PPARGC1A: variants seen among roughly 807,000 people sequenced by gnomAD.
PPARGC1A encodes PPARG coactivator 1 alpha.
Under a neutral mutation model 88.7 loss-of-function variants are expected in PPARGC1A, and 25 were observed. That is an observed-to-expected ratio of 0.28 (90% CI 0.21 to 0.39). The LOEUF is 0.39. Ranked by LOEUF, PPARGC1A falls within the 10% of genes least tolerant of loss-of-function variation. The pLI, the probability that PPARGC1A is intolerant of heterozygous loss-of-function variation, is 1.00. For synonymous variants in PPARGC1A, 363 were observed against 355.6 expected (o/e 1.02, Z -0.24); for missense variants, 880 against 968.7 (o/e 0.91, Z 1.22).
At chr4:24,270,361 G>A in the PPARGC1A span, among the ~76,000 whole-genome samples, 1 of 130,194 alleles carries the variant, frequency 7.7e-6, no homozygotes, top group Non-Finnish European at 1.6e-5. Context: ...GTGTGTATGT[G>A]TGTAAAATCG....
At chr4:24,330,063 G>A in the PPARGC1A span, among the ~76,000 whole-genome samples, 3 of 152,108 alleles carry the variant, frequency 2.0e-5, no homozygotes, top group African/African-American at 7.2e-5. Context: ...CATGTAATAT[G>A]TTCCATGTGC....
chr4:24,261,916 C>T, the PPARGC1A span, among the ~76,000 whole-genome samples: 12 of 152,194 alleles, frequency 7.9e-5, no homozygotes, highest in Non-Finnish European at 1.5e-4. Flanking sequence ...TCTGCCTCCA[C>T]CAAGCTGTGT....
the PPARGC1A span, among the ~76,000 whole-genome samples, chr4:23,913,267 T>TATATATATATATATATATAG: frequency 1.3e-5 from 1 of 77,532 alleles, no homozygotes; most frequent in African/African-American, 5.6e-5. Context: ...TATATATATA[T>TATATATATATATATATATAG]AGAGAGAGAG....
At chr4:24,326,524 T>A in the PPARGC1A span, among the ~76,000 whole-genome samples, 1 of 152,030 alleles carries the variant, frequency 6.6e-6, no homozygotes. Context: ...TCACTTGGAC[T>A]GACCCTGACA....
the PPARGC1A span, among the ~76,000 whole-genome samples, chr4:24,439,605 C>T: frequency 6.6e-6 from 1 of 152,140 alleles, no homozygotes; most frequent in Non-Finnish European, 1.5e-5. Flanking sequence ...TGGGTACTAC[C>T]AGCAACTGCT....
intron 2 of PPARGC1A, among the ~76,000 whole-genome samples, chr4:23,834,255 T>C (rs986304747): frequency 1.3e-5 from 2 of 151,922 alleles, no homozygotes; most frequent in African/African-American, 4.8e-5. Context: ...AGTCAAGATC[T>C]TGCCACTGCA....
the PPARGC1A span, among the ~76,000 whole-genome samples, chr4:24,031,516 A>T: frequency 5.5e-4 from 84 of 152,308 alleles, no homozygotes; most frequent in African/African-American, 2.0e-3. Flanking sequence ...GCATCAATAC[A>T]TGGGCAATTG....
At chr4:23,906,011 A>G (rs1445283610), upstream of PPARGC1A, among the ~76,000 whole-genome samples, 1 of 152,216 alleles carries the variant, frequency 6.6e-6, no homozygotes, top group Non-Finnish European at 1.5e-5. Flanking sequence ...AAGAAAAGGC[A>G]GGACTCAAAG....
the PPARGC1A span, among the ~76,000 whole-genome samples, chr4:24,374,787 T>A: frequency 6.6e-6 from 1 of 152,124 alleles, no homozygotes; most frequent in Non-Finnish European, 1.5e-5. Flanking sequence ...CATACCATGA[T>A]GATGCAACTG....
At chr4:24,000,435 G>A in the PPARGC1A span, among the ~76,000 whole-genome samples, 1 of 152,026 alleles carries the variant, frequency 6.6e-6, no homozygotes, top group Non-Finnish European at 1.5e-5. Flanking sequence ...AATTAAACAC[G>A]TGCTTAAATA....
the PPARGC1A span, among the ~76,000 whole-genome samples, chr4:24,472,074 G>A: frequency 2.0e-5 from 3 of 152,186 alleles, no homozygotes; most frequent in African/African-American, 7.2e-5. The surrounding 1 kb of genome is among the most constrained non-coding windows in gnomAD (Gnocchi z 4.5). Context: ...GTTGTTCGGG[G>A]TAACGCGCCG....
the PPARGC1A span, among the ~76,000 whole-genome samples, chr4:24,424,258 C>CTTTTTTTTT: frequency 9.2e-4 from 41 of 44,346 alleles, 11 homozygotes; most frequent in Admixed American, 1.7e-3. Flanking sequence ...TATACACACA[C>CTTTTTTTTT]TTTTTTTTTT....
the PPARGC1A span, among the ~76,000 whole-genome samples, chr4:24,357,091 A>G: frequency 1.3e-5 from 2 of 152,330 alleles, no homozygotes; most frequent in South Asian, 4.1e-4. Flanking sequence ...GGTCTGCACC[A>G]TCATCCAGAG....
the PPARGC1A span, among the ~76,000 whole-genome samples, chr4:24,335,875 T>C: frequency 6.6e-6 from 1 of 152,174 alleles, no homozygotes; most frequent in African/African-American, 2.4e-5. Flanking sequence ...TATTGCCTAG[T>C]GCTACAATAG....
At chr4:24,403,335 T>G in the PPARGC1A span, among the ~76,000 whole-genome samples, 1 of 152,220 alleles carries the variant, frequency 6.6e-6, no homozygotes, top group Non-Finnish European at 1.5e-5. Flanking sequence ...CAGCACAACT[T>G]CAGTGGAACG....
At chr4:24,342,465 A>G in the PPARGC1A span, among the ~76,000 whole-genome samples, 1 of 152,120 alleles carries the variant, frequency 6.6e-6, no homozygotes, top group Non-Finnish European at 1.5e-5. Context: ...GTGTTCCCTT[A>G]TCTATTACAC....
chr4:23,868,316 A>G (rs1313533275), intron 2 of PPARGC1A, among the ~76,000 whole-genome samples: 1 of 149,214 alleles, frequency 6.7e-6, no homozygotes, highest in Non-Finnish European at 1.5e-5. Context: ...GACACACAGC[A>G]TACTGCTGTC....
At chr4:24,095,179 A>G in the PPARGC1A span, among the ~76,000 whole-genome samples, 25,075 of 143,106 alleles carry the variant, frequency 0.18, 3,701 homozygotes, top group African/African-American at 0.41. Context: ...GTGCAGTGGC[A>G]CGATCCTGGC....
chr4:23,824,564 T>C, intron 5 of PPARGC1A, 56 bp from the exon 6 acceptor site: 1 of 1,431,208 alleles, frequency 7.0e-7, no homozygotes, highest in Non-Finnish European at 9.6e-7. Flanking sequence ...TTAGATTTCT[T>C]TTCTCTCCAC....
Sources: gnomAD v4.1 joint callset for allele counts (sites outside exome capture counted in the v4.1 genomes callset) on GRCh38, gnomAD v4.1.1 for gene constraint, Gnocchi (gnomAD v3.1) non-coding constraint, MANE v1.5 for transcripts, NCBI Gene and HGNC (gene_info 2026-07-23, HGNC 2026-07-21) for gene names.